COL27A1: variants seen among roughly 807,000 people sequenced by gnomAD.
The protein encoded by COL27A1 is collagen type XXVII alpha 1 chain, also known as collagen alpha-1(XXVII) chain.
In COL27A1, 106 loss-of-function variants were observed where a neutral mutation model predicts 251.3. The observed-to-expected ratio is 0.42, with a 90% CI of 0.36 to 0.50. The LOEUF (loss-of-function observed/expected upper bound fraction) is 0.50. Ranked by LOEUF, COL27A1 falls within the 20% of genes least tolerant of loss-of-function variation. The pLI, the probability that COL27A1 is intolerant of heterozygous loss-of-function variation, is 0.00. For synonymous variants in COL27A1, 1,000 were observed against 986.3 expected (o/e 1.01, Z -0.26); for missense variants, 2,325 against 2,522.8 (o/e 0.92, Z 1.68).
intron 14 of COL27A1, among the ~76,000 whole-genome samples, chr9:114,230,816 A>T (rs1311619216): frequency 3.3e-5 from 5 of 152,218 alleles, no homozygotes; most frequent in African/African-American, 1.2e-4. Flanking sequence ...GATATAGGAG[A>T]GAAATATTGA....
rs781253514 is a variant in COL27A1, at chr9:114,288,488, C to A, written c.4021C>A (p.Pro1341Thr). The A allele has an allele frequency of 1.2e-5, 20 of 1,608,244 alleles. No individual in the cohort carries two copies. The Admixed American group carries it at 1.5e-4, about 12-fold the overall frequency. The change falls in exon 42 of 61, where the codon CCC becomes ACC. Residue 1341 changes from proline (P) to threonine (T), a missense_variant. Pro to Thr is a conservative substitution (Grantham distance 38, BLOSUM62 -1). This residue lies in a region of COL27A1 where 662 missense variants were observed against 795.3 expected (regional missense o/e 0.83). Transcript: ENST00000356083. ...EQGEDGKAEG[P>T]PGPPGDRGPV... The stretch of plus-strand genomic sequence containing the variant: ...GGGCGAGGACGGCAAGGCTGAGGGG[C>A]CCCCTGGGCCACCTGGAGATCGGGT...
intron 3 of COL27A1, among the ~76,000 whole-genome samples, chr9:114,176,523 C>A (rs1827450136): frequency 6.7e-6 from 1 of 149,330 alleles, no homozygotes; most frequent in African/African-American, 2.5e-5. Flanking sequence ...CTCAAAGCCA[C>A]CCAGATAGTA....
intron 59 of COL27A1, 114 bp downstream of exon 59, chr9:114,307,892 C>T (rs1176245179): frequency 2.9e-6 from 2 of 687,296 alleles, no homozygotes; most frequent in Non-Finnish European, 4.9e-6. Flanking sequence ...ACTGCATGCC[C>T]TTGGGAAAGT....
Position 114,282,546 on chromosome 9 carries a change from G to A in COL27A1, c.3861G>A (p.Arg1287=), listed in dbSNP as rs769662571. The A allele has an allele frequency of 6.5e-7, 1 of 1,532,474 alleles. No homozygotes were observed. The highest frequency in any genetic ancestry group is 1.2e-5 in the South Asian group (1 of 80,416). 94.9% of individuals were successfully genotyped at this position (1,532,474 alleles called of 1,614,324 possible). The part of the protein sequence containing the change: ...PPGTPGPKGS[R]GSLGPTGAPG... ...GCACTCCAGGCCCTAAAGGGTCCCG[G>A]GGCAGCCTGGGACCAACGGTGAGGA... is the stretch of plus-strand genomic sequence containing the variant. Residue 1287 remains arginine (R), a synonymous_variant, in exon 39 of 61, where the codon CGG becomes CGA. Coordinates refer to ENST00000356083, the MANE Select transcript of COL27A1 (RefSeq NM_032888.4).
rs1832444343 is a variant in COL27A1 at position 114,237,004 on chromosome 9, C to A, written c.2643C>A (p.Phe881Leu). The A allele has an allele frequency of 1.2e-6, 2 of 1,611,954 alleles. No homozygotes were observed. The highest frequency in any genetic ancestry group is 2.7e-5 in the African/African-American group (2 of 74,874). ...GDKGSQGLPG[F>L]PGARGKPGPL... The stretch of plus-strand genomic sequence containing the variant: ...AGGGGAGCCAGGGGTTGCCAGGGTT[C>A]CCCGGTGCACGGGGGAAGCCAGGGC... The change falls in exon 18 of 61, where the codon TTC becomes TTA. Residue 881 changes from phenylalanine (F) to leucine (L), a missense_variant. This residue lies in a region of COL27A1 where 662 missense variants were observed against 795.3 expected (regional missense o/e 0.83). Coordinates refer to ENST00000356083, the MANE Select transcript of COL27A1 (RefSeq NM_032888.4).
chr9:114,304,682 A>G lies in COL27A1; in HGVS notation c.4938+9A>G. ...GAGCACTCAGGCCAGAGGTATCTCC[A>G]GGGGCTCTCCCCATGTGGGATCCCT... On this transcript the variant is annotated intron_variant, in intron 57 of 60. Transcript: ENST00000356083. The G allele has an allele frequency of 3.7e-6, 6 of 1,612,660 alleles. No individual in the cohort carries two copies. Among genetic ancestry groups the G allele is most frequent in the Non-Finnish European group, 4.2e-6 (5 of 1,178,722 alleles).
intron 27 of COL27A1, among the ~76,000 whole-genome samples, chr9:114,257,382 T>A (rs1247788875): frequency 6.6e-6 from 1 of 151,880 alleles, no homozygotes; most frequent in Non-Finnish European, 1.5e-5. Context: ...GGGGGAGACA[T>A]TAGGCAGAGG....
At chr9:114,230,719 C>A (rs1172099671) in intron 14 of COL27A1, among the ~76,000 whole-genome samples, 2 of 152,134 alleles carry the variant, frequency 1.3e-5, no homozygotes, top group Non-Finnish European at 2.9e-5. Flanking sequence ...CTTACAGCAG[C>A]TCCGGGGGGA....
intron 49 of COL27A1, among the ~76,000 whole-genome samples, chr9:114,296,299 C>A (rs1471816534): frequency 2.0e-5 from 3 of 152,138 alleles, no homozygotes; most frequent in African/African-American, 4.8e-5. Flanking sequence ...ATTTCTAAAT[C>A]ATGTATCTGA....
At chr9:114,210,409 G>A (rs780065301) in intron 11 of COL27A1, among the ~76,000 whole-genome samples, 11 of 152,154 alleles carry the variant, frequency 7.2e-5, no homozygotes, top group Non-Finnish European at 1.6e-4. Flanking sequence ...TTGGGGGTGG[G>A]GACAGCAAGA....
chr9:114,295,285 T>C (rs1170942424), intron 49 of COL27A1, among the ~76,000 whole-genome samples: 1 of 152,194 alleles, frequency 6.6e-6, no homozygotes, highest in Non-Finnish European at 1.5e-5. Flanking sequence ...GTAAGAGAAA[T>C]TGAGGAAGAC....
At chr9:114,259,999 G>GT (rs1378185445) in intron 28 of COL27A1, among the ~76,000 whole-genome samples, 1 of 149,014 alleles carries the variant, frequency 6.7e-6, no homozygotes, top group African/African-American at 2.6e-5. Context: ...TCTGGGTGGG[G>GT]GGGGGGTCTC....
chr9:114,273,099 G>C (rs1122439), intron 36 of COL27A1: 24,760 of 152,166 alleles, frequency 0.16, 2,223 homozygotes, highest in African/African-American at 0.19. Context: ...CAGGGGTCCA[G>C]TTAGCCCCTG....
At chr9:114,205,252 C>G (rs1829868673) in intron 8 of COL27A1, 106 bp downstream of exon 8, 6 of 1,096,556 alleles carry the variant, frequency 5.5e-6, no homozygotes, top group African/African-American at 1.6e-5. Context: ...AGCCCCAGAG[C>G]CAGGCTGTTT....
intron 10 of COL27A1, among the ~76,000 whole-genome samples, chr9:114,208,534 A>C (rs1476213428): frequency 6.6e-6 from 1 of 152,242 alleles, no homozygotes; most frequent in African/African-American, 2.4e-5. Context: ...TAATATATGC[A>C]AAGCACTGGC....
In COL27A1 at chr9:114,309,420, G is replaced by A; in HGVS notation, c.5378G>A (p.Gly1793Glu). 3.7e-6 allele frequency: 6 copies of A among 1,614,104 alleles called. No homozygotes were observed. Among genetic ancestry groups the A allele is most frequent in the Non-Finnish European group, 5.1e-6 (6 of 1,180,040 alleles). Residue 1793 changes from glycine (G) to glutamate (E), a missense_variant, in exon 60 of 61, where the codon GGA (glycine) becomes GAA (glutamate). Gly to Glu is a moderately conservative substitution (Grantham distance 98). Around this residue, in one of 4 missense-constraint regions of COL27A1, gnomAD observed 327 missense variants for 442.8 expected, o/e 0.74. Coordinates refer to ENST00000356083, the MANE Select transcript of COL27A1 (RefSeq NM_032888.4). ...KQAVRFRAWN[G>E]QIFEAGGQFR... ...GCCGTACGCTTCCGGGCCTGGAATG[G>A]ACAGATTTTTGAAGCTGGGGGTCAG...
intron 11 of COL27A1, 35 bp downstream of exon 11, chr9:114,209,763 G>C: frequency 6.2e-7 from 1 of 1,600,592 alleles, no homozygotes; most frequent in South Asian, 1.1e-5. Flanking sequence ...ACCATCCACA[G>C]CCACCCCTGC....
intron 16 of COL27A1, 107 bp downstream of exon 16, chr9:114,231,973 TC>T: frequency 1.9e-6 from 2 of 1,045,516 alleles, no homozygotes; most frequent in South Asian, 2.7e-5. Flanking sequence ...CCTGCACTCT[TC>T]CTGCCTCTCC....
chr9:114,204,114 T>A (rs545111326), intron 7 of COL27A1, among the ~76,000 whole-genome samples: 3 of 151,754 alleles, frequency 2.0e-5, no homozygotes, highest in African/African-American at 7.3e-5. Context: ...TCTGGAGGAG[T>A]CTTCAAATTC....
Sources: allele counts gnomAD v4.1 joint callset (sites outside exome capture counted in the v4.1 genomes callset), GRCh38; gene constraint gnomAD v4.1.1; regional missense constraint gnomAD v4.1.1; transcripts MANE v1.5; gene names NCBI Gene and HGNC (gene_info 2026-07-23, HGNC 2026-07-21).